The following SFRP1 variants were observed in gnomAD, a reference collection of about 807,000 sequenced individuals.
SFRP1 encodes secreted frizzled-related protein 1.
SFRP1 carries 9 observed loss-of-function variants against 25.9 expected under a neutral mutation model. The ratio of observed to expected loss-of-function variants is 0.35; its 90% CI spans 0.21 to 0.61. The LOEUF is 0.61. Among genes scored for constraint, SFRP1 ranks in the 20% least tolerant of loss-of-function variants. SFRP1 has a pLI of 0.78. For missense variants in SFRP1, 346 were observed against 418.2 expected (o/e 0.83, Z 1.51); for synonymous variants, 178 against 174.0 (o/e 1.02, Z -0.18).
intron 2 of SFRP1, among the ~76,000 whole-genome samples, chr8:41,286,508 G>A (rs1803703989): frequency 6.6e-6 from 1 of 152,054 alleles, no homozygotes; most frequent in Admixed American, 6.6e-5. Context: ...GCGGGGCGGG[G>A]GGAGGGGGTT....
chr8:41,284,928 A>G (rs1324719711), intron 2 of SFRP1, among the ~76,000 whole-genome samples: 2 of 152,192 alleles, frequency 1.3e-5, no homozygotes, highest in Non-Finnish European at 2.9e-5. Flanking sequence ...TTCTTCCCTC[A>G]GGTCAGACAC....
intron 2 of SFRP1, among the ~76,000 whole-genome samples, chr8:41,291,940 G>A (rs989376881): frequency 3.3e-5 from 5 of 152,186 alleles, no homozygotes; most frequent in East Asian, 1.9e-4. Context: ...TGGGGACAGC[G>A]AGGTACCCTA....
intron 2 of SFRP1, among the ~76,000 whole-genome samples, chr8:41,283,583 CT>C (rs34742703): frequency 1.4e-3 from 191 of 139,062 alleles, no homozygotes; most frequent in Non-Finnish European, 1.7e-3. Flanking sequence ...CTCCAACTTT[CT>C]TTTTTTTTTT....
chr8:41,292,413 G>A (rs534290978), intron 2 of SFRP1, among the ~76,000 whole-genome samples: 1 of 152,150 alleles, frequency 6.6e-6, no homozygotes, highest in Non-Finnish European at 1.5e-5. Flanking sequence ...TTTTATAAGG[G>A]GATCTTCCCC....
chr8:41,275,191 C>T (rs1803556334), intron 2 of SFRP1: 2 of 453,112 alleles, frequency 4.4e-6, no homozygotes, highest in Admixed American at 4.7e-5. Context: ...TGCCTGGAAC[C>T]TGCTCCCTGC....
intron 2 of SFRP1, among the ~76,000 whole-genome samples, chr8:41,289,582 C>A (rs994719774): frequency 2.6e-5 from 4 of 152,148 alleles, no homozygotes; most frequent in African/African-American, 9.7e-5. Flanking sequence ...CTTTCCAATG[C>A]ACTCTTTAAA....
intron 1 of SFRP1, chr8:41,306,804 C>T (rs1804003850): frequency 1.3e-6 from 2 of 1,598,006 alleles, no homozygotes; most frequent in Admixed American, 1.7e-5. Flanking sequence ...GGAACTGCAG[C>T]CAAGGGGCAA....
chr8:41,303,487 A>G lies in SFRP1; in HGVS notation c.596T>C (p.Ile199Thr). ...AAACTCGCTGGCACAGAGATGTTCA[A>G]TGATGGCCTCAGATTTCAACTCGTT... Reference protein sequence around the residue: ...CDNELKSEAIIEHLCASEFAL... With the variant: ...CDNELKSEAITEHLCASEFAL... The change falls in exon 2 of 3, where the codon ATT (isoleucine) becomes ACT (threonine). Residue 199 changes from isoleucine (I) to threonine (T), a missense_variant. Ile to Thr is a moderately conservative substitution (Grantham distance 89, BLOSUM62 -1). Transcript: ENST00000220772. 6.2e-7 allele frequency: 1 copy of G among 1,613,988 alleles called. No individual in the cohort carries two copies. The highest frequency in any genetic ancestry group is 8.5e-7 in the Non-Finnish European group (1 of 1,179,944).
chr8:41,285,021 G>C (rs1347728279), intron 2 of SFRP1, among the ~76,000 whole-genome samples: 1 of 152,204 alleles, frequency 6.6e-6, no homozygotes, highest in Non-Finnish European at 1.5e-5. Context: ...CTCCGCTTCC[G>C]ACCTGGTGGC....
chr8:41,290,886 C>CTTTTTTTTTTTTTTTTTTTTT lies in SFRP1; in HGVS notation c.622+12554_622+12574dup, dbSNP rs561965318. On this transcript the variant is annotated intron_variant, in intron 2 of 2. Transcript: ENST00000220772. Reference sequence around the variant, plus strand: ...GTCTTCTTCTCCTCCTCTTCCTCGTCTTTTTTTTTTTTTTTTTTTTTTTTT... The same window carrying CTTTTTTTTTTTTTTTTTTTTT: ...GTCTTCTTCTCCTCCTCTTCCTCGTCTTTTTTTTTTTTTTTTTTTTTTTTTTTTTTTTTTTTTTTTTTTTTT... Among the ~76,000 whole-genome samples, 16 of 53,894 alleles carry CTTTTTTTTTTTTTTTTTTTTT rather than the reference C, an allele frequency of 3.0e-4. 6 individuals are homozygous for CTTTTTTTTTTTTTTTTTTTTT. Among genetic ancestry groups the CTTTTTTTTTTTTTTTTTTTTT allele is most frequent in the Non-Finnish European group, 4.9e-4 (12 of 24,598 alleles). The allele number at this position is 53,894 out of a possible 152,430, so 35.4% of individuals were successfully genotyped here. A position where few individuals can be genotyped will look rare whatever the true frequency, so the allele number is the denominator to read the frequency against.
chr8:41,286,505 G>A (rs563898185), intron 2 of SFRP1, among the ~76,000 whole-genome samples: 6 of 152,078 alleles, frequency 3.9e-5, no homozygotes, highest in East Asian at 3.9e-4. Flanking sequence ...GAAGCGGGGC[G>A]GGGGGAGGGG....
intron 1 of SFRP1, chr8:41,307,116 C>T: frequency 9.9e-7 from 1 of 1,008,028 alleles, no homozygotes; most frequent in South Asian, 1.9e-5. Flanking sequence ...GAAGGAAATT[C>T]CCGCAGGCTG....
intron 2 of SFRP1, among the ~76,000 whole-genome samples, chr8:41,278,837 G>A (rs941623858): frequency 1.3e-5 from 2 of 152,202 alleles, no homozygotes; most frequent in African/African-American, 4.8e-5. Context: ...CCTTTGCTGA[G>A]AGACCCCTGA....
chr8:41,284,712 A>G lies in SFRP1; in HGVS notation c.622+18749T>C, dbSNP rs2117497852. ...AGCCCAGGGAAGGTGGCGTAGGGGG[A>G]GGGGTCTCCCCTGCCTCCTCTGAAG... On this transcript the variant is annotated intron_variant, in intron 2 of 2. Coordinates refer to ENST00000220772, the MANE Select transcript of SFRP1 (RefSeq NM_003012.5). Among the ~76,000 whole-genome samples, 3 of 152,266 alleles carry G rather than the reference A, an allele frequency of 2.0e-5. No homozygotes were observed. The East Asian group carries it at 5.8e-4, about 29-fold the overall frequency.
intron 2 of SFRP1, among the ~76,000 whole-genome samples, chr8:41,281,433 G>C (rs953101898): frequency 1.3e-5 from 2 of 152,244 alleles, no homozygotes; most frequent in Admixed American, 6.5e-5. Context: ...ACAAATGTCA[G>C]CTTGCACTCA....
chr8:41,306,669 T>C lies in SFRP1; in HGVS notation c.544+1947A>G, dbSNP rs1804001450. 3 of 1,578,098 alleles carry C rather than the reference T, an allele frequency of 1.9e-6. No individual in the cohort carries two copies. In the African/African-American group the frequency reaches 4.0e-5, roughly 21 times the overall value. ...CCCAAGCCCCACTCCCGACCGGCCC[T>C]CTCCCCACTTTTCTCTTTGCTCCTC... On this transcript the variant is annotated intron_variant, in intron 1 of 2. Coordinates refer to ENST00000220772, the MANE Select transcript of SFRP1 (RefSeq NM_003012.5).
chr8:41,296,179 T>A (rs967742164), intron 2 of SFRP1, among the ~76,000 whole-genome samples: 1 of 152,202 alleles, frequency 6.6e-6, no homozygotes, highest in Non-Finnish European at 1.5e-5. Flanking sequence ...CCAGACCCCA[T>A]ACACAGCAAA....
At chr8:41,275,927 G>C (rs1180919186) in intron 2 of SFRP1, among the ~76,000 whole-genome samples, 1 of 152,100 alleles carries the variant, frequency 6.6e-6, no homozygotes, top group Non-Finnish European at 1.5e-5. Flanking sequence ...TTTAATTTTT[G>C]TGTAGAAACA....
chr8:41,275,090 T>C lies in SFRP1; in HGVS notation c.623-9601A>G, dbSNP rs200468646. On this transcript the variant is annotated intron_variant, in intron 2 of 2. Transcript: ENST00000220772. ...ATCATTTTTCAGATAACAAAATCAA[T>C]TGGGTTAGAATGCAAATTATTTACT... 1.5e-4 allele frequency: 57 copies of C among 373,762 alleles called. No homozygotes were observed. The East Asian group carries it at 2.8e-3, about 18-fold the overall frequency. The allele number at this position is 373,762 out of a possible 1,614,324, so 23.2% of individuals were successfully genotyped here.
Sources: allele counts gnomAD v4.1 joint callset (sites outside exome capture counted in the v4.1 genomes callset), GRCh38; gene constraint gnomAD v4.1.1; transcripts MANE v1.5; gene names NCBI Gene and HGNC (gene_info 2026-07-23, HGNC 2026-07-21).